Variants in FRMD4A observed in about 807,000 individuals in gnomAD.
FRMD4A encodes the protein FERM domain-containing protein 4A.
In FRMD4A, 29 loss-of-function variants were observed where a neutral mutation model predicts 129.1. The ratio of observed to expected loss-of-function variants is 0.22; its 90% CI spans 0.17 to 0.31. The LOEUF (loss-of-function observed/expected upper bound fraction) is 0.31. Ranked by LOEUF, FRMD4A falls within the 10% of genes least tolerant of loss-of-function variation. FRMD4A has a pLI of 1.00. For synonymous variants in FRMD4A, 634 were observed against 571.6 expected (o/e 1.11, Z -1.56); for missense variants, 1,272 against 1,375.8 (o/e 0.92, Z 1.19).
chr10:13,748,964 T>A (rs2091430904), intron 8 of FRMD4A, among the ~76,000 whole-genome samples: 1 of 152,146 alleles, frequency 6.6e-6, no homozygotes, highest in Non-Finnish European at 1.5e-5. Flanking sequence ...ATGCTTAGGT[T>A]TGGAAGATGC....
At chr10:13,877,551 G>A (rs2094500622) in intron 2 of FRMD4A, among the ~76,000 whole-genome samples, 1 of 152,210 alleles carries the variant, frequency 6.6e-6, no homozygotes, top group East Asian at 1.9e-4. Context: ...TTCCAATACA[G>A]AGCTGCAGGG....
intron 2 of FRMD4A, among the ~76,000 whole-genome samples, chr10:14,285,048 T>C (rs1481669695): frequency 1.3e-5 from 2 of 152,222 alleles, no homozygotes; most frequent in East Asian, 3.9e-4. Flanking sequence ...AGGAACACTT[T>C]CAACGTGCTG....
chr10:14,188,834 A>G (rs1039228141), intron 2 of FRMD4A, among the ~76,000 whole-genome samples: 3 of 152,158 alleles, frequency 2.0e-5, no homozygotes, highest in African/African-American at 7.2e-5. Context: ...TGAGCCTGGG[A>G]GGTTAAGGCA....
At chr10:14,015,063 T>A (rs1209929600) in intron 2 of FRMD4A, among the ~76,000 whole-genome samples, 1 of 136,426 alleles carries the variant, frequency 7.3e-6, no homozygotes, top group South Asian at 2.8e-4. Context: ...TTCCTTTTCT[T>A]CTGTCCTTCC....
rs2082205291 is a variant in FRMD4A, at chr10:13,656,920, T to TCGTCGC, written c.2663_2668dup (p.Gly888_Asp889dup). On this transcript the variant is annotated inframe_insertion, in exon 22 of 25. Transcript: ENST00000357447. Reference sequence around the variant, plus strand: ...CGGCGTCAGGCGGCCCGTGTCGCCCTCGTCGCCGCCGCCGCCGCGCCAGCT... The same window carrying TCGTCGC: ...CGGCGTCAGGCGGCCCGTGTCGCCCTCGTCGCCGTCGCCGCCGCCGCCGCGCCAGCT... The TCGTCGC allele has an allele frequency of 3.3e-6, 5 of 1,495,668 alleles. No individual in the cohort carries two copies. The highest frequency in any genetic ancestry group is 4.4e-6 in the Non-Finnish European group (5 of 1,128,592). 92.6% of individuals were successfully genotyped at this position (1,495,668 alleles called of 1,614,324 possible). A position where few individuals can be genotyped will look rare whatever the true frequency, so the allele number is the denominator to read the frequency against.
intron 8 of FRMD4A, among the ~76,000 whole-genome samples, chr10:13,749,923 C>T (rs1588548008): frequency 6.6e-6 from 1 of 150,628 alleles, no homozygotes; most frequent in African/African-American, 2.4e-5. Flanking sequence ...CACCACACTC[C>T]AGCCTGGGTG....
intron 3 of FRMD4A, among the ~76,000 whole-genome samples, chr10:13,854,533 G>T (rs1187825977): frequency 2.0e-5 from 3 of 151,536 alleles, no homozygotes; most frequent in African/African-American, 7.3e-5. Context: ...TGATTCTCCT[G>T]TCTCATCTTC....
At chr10:14,185,221 C>G (rs1180437295) in intron 2 of FRMD4A, among the ~76,000 whole-genome samples, 1 of 152,166 alleles carries the variant, frequency 6.6e-6, no homozygotes, top group Non-Finnish European at 1.5e-5. Flanking sequence ...ACTGTGGGTT[C>G]TAATTTGCAT....
chr10:14,325,128 GATTATTA>G (rs1053153671), intron 2 of FRMD4A, among the ~76,000 whole-genome samples: 5 of 152,178 alleles, frequency 3.3e-5, no homozygotes, highest in African/African-American at 1.2e-4. Flanking sequence ...AAAACATAGA[GATTATTA>G]ATGTAAGAGC....
At chr10:13,652,068 A>G in intron 23 of FRMD4A, 94 bp from the exon 24 acceptor site, 2 of 783,282 alleles carry the variant, frequency 2.6e-6, no homozygotes, top group South Asian at 1.4e-5. Context: ...GCTTATTAAT[A>G]TATCCGAAAG....
At chr10:13,972,555 C>T (rs2095524589) in intron 2 of FRMD4A, among the ~76,000 whole-genome samples, 2 of 151,540 alleles carry the variant, frequency 1.3e-5, no homozygotes, top group Non-Finnish European at 2.9e-5. Context: ...TTTCGCCCCG[C>T]ATGAGGGGTT....
chr10:13,805,814 C>G (rs2178289), intron 4 of FRMD4A, among the ~76,000 whole-genome samples: 150,538 of 151,766 alleles, frequency 0.99, 74,675 homozygotes, highest in East Asian at 1. Flanking sequence ...TCAGCCTCCT[C>G]AGTAGTTGGG....
intron 6 of FRMD4A, among the ~76,000 whole-genome samples, chr10:13,772,007 C>T (rs2092468934): frequency 6.6e-6 from 1 of 151,304 alleles, no homozygotes. Context: ...GTCCCAGCTA[C>T]TTGGGAGGCT....
At chr10:14,297,799 G>C (rs1335579757) in intron 2 of FRMD4A, among the ~76,000 whole-genome samples, 1 of 151,926 alleles carries the variant, frequency 6.6e-6, no homozygotes, top group Non-Finnish European at 1.5e-5. Context: ...GAGCCCCTGG[G>C]AGTCCAAGGA....
intron 2 of FRMD4A, among the ~76,000 whole-genome samples, chr10:14,102,741 A>G (rs1034685585): frequency 6.7e-6 from 1 of 149,266 alleles, no homozygotes; most frequent in East Asian, 2.0e-4. Context: ...GGCTTCTAGT[A>G]CAACTTTCTT....
chr10:14,019,552 G>T (rs1242130252), intron 2 of FRMD4A, among the ~76,000 whole-genome samples: 2 of 152,208 alleles, frequency 1.3e-5, no homozygotes, highest in Non-Finnish European at 2.9e-5. Context: ...CTCATAAGTT[G>T]GCAGGAAAGG....
At chr10:13,956,229 T>C (rs537777947) in intron 2 of FRMD4A, among the ~76,000 whole-genome samples, 2 of 152,348 alleles carry the variant, frequency 1.3e-5, no homozygotes, top group African/African-American at 4.8e-5. Context: ...CTTGGCTCAC[T>C]GCAAACTCTG....
Position 14,094,907 on chromosome 10 carries a change from G to A in FRMD4A, c.45+235151C>T, listed in dbSNP as rs959736699. ...TGTATGTATATCTATGCCTGTGTAT[G>A]AATGTGTATGCTTGTGTGTGCCCAT... On this transcript the variant is annotated intron_variant, in intron 2 of 24. Transcript: ENST00000357447. Among the ~76,000 whole-genome samples, 8 of 152,224 alleles carry A rather than the reference G, an allele frequency of 5.3e-5. No homozygotes were observed. The South Asian group carries it at 1.2e-3, about 24-fold the overall frequency.
intron 17 of FRMD4A, 77 bp downstream of exon 17, chr10:13,670,329 G>A (rs1466804899): frequency 1.3e-6 from 2 of 1,485,006 alleles, no homozygotes; most frequent in African/African-American, 2.8e-5. Context: ...AATTGGTACA[G>A]AAAACCTGGA....
Sources: gnomAD v4.1 joint callset for allele counts (sites outside exome capture counted in the v4.1 genomes callset) on GRCh38, gnomAD v4.1.1 for gene constraint, MANE v1.5 for transcripts, NCBI Gene and HGNC (gene_info 2026-07-23, HGNC 2026-07-21) for gene names.